The following GAB2 variants were observed in gnomAD, a reference collection of about 807,000 sequenced individuals.
GAB2 encodes GRB2 associated binding protein 2.
In GAB2, 26 loss-of-function variants were observed where a neutral mutation model predicts 65.5. The observed-to-expected ratio is 0.40, with a 90% CI of 0.29 to 0.55. The LOEUF is 0.55. Among genes scored for constraint, GAB2 ranks in the 20% least tolerant of loss-of-function variants. The probability of loss-of-function intolerance (pLI) is 0.53; values close to 1 mark genes in which losing one functional copy is unlikely to be tolerated. For synonymous variants in GAB2, 321 were observed against 329.6 expected, an observed-to-expected ratio of 0.97 and a Z score of 0.28; for missense variants, 884 against 875.8, an observed-to-expected ratio of 1.01 and a Z score of -0.12.
In GAB2 at chr11:78,222,184, G is replaced by C; in HGVS notation, c.1579C>G (p.Pro527Ala). The stretch of plus-strand genomic sequence containing the variant: ...ACGGTGTTGTTCCTCAGGTCAAGTG[G>C]TGTTGGCTTTGCTGGAGCAGGAAAA... ...LKPDRKAKPT[P>A]LDLRNNTVID... The change falls in exon 7 of 10, where the codon CCA becomes GCA. Residue 527 changes from proline to alanine, a missense_variant. Pro to Ala is a conservative substitution (Grantham distance 27, BLOSUM62 -1). Coordinates refer to ENST00000361507, the MANE Select transcript of GAB2 (RefSeq NM_080491.3). 6.2e-7 allele frequency: 1 copy of C among 1,613,148 alleles called. No individual in the cohort carries two copies. Among genetic ancestry groups the C allele is most frequent in the Non-Finnish European group, 8.5e-7 (1 of 1,179,076 alleles).
chr11:78,235,282 A>G (rs1162308033), intron 3 of GAB2, among the ~76,000 whole-genome samples: 1 of 151,768 alleles, frequency 6.6e-6, no homozygotes, highest in East Asian at 2.0e-4. Flanking sequence ...TCTCCCGAGT[A>G]GCTGGGACTA....
chr11:78,288,563 A>T (rs910503508), intron 1 of GAB2, among the ~76,000 whole-genome samples: 1 of 152,256 alleles, frequency 6.6e-6, no homozygotes, highest in Non-Finnish European at 1.5e-5. Flanking sequence ...AGGCATATAA[A>T]ATAAAAATAC....
intron 1 of GAB2, among the ~76,000 whole-genome samples, chr11:78,380,349 T>C (rs955937946): frequency 6.6e-6 from 1 of 152,048 alleles, no homozygotes; most frequent in African/African-American, 2.4e-5. Flanking sequence ...GGACTACAGG[T>C]GCGTGCCACC....
rs1217047747 is a variant in GAB2, at chr11:78,250,205, T to C, written c.572A>G (p.Glu191Gly). The C allele has an allele frequency of 6.2e-7, 1 of 1,613,330 alleles. No individual in the cohort carries two copies. Among genetic ancestry groups the C allele is most frequent in the Admixed American group, 1.7e-5 (1 of 59,858 alleles). ...QPTLSTSAPQ[E>G]YLYLHQCISR... ...TATGCACTGGTGCAAGTAGAGATAC[T>C]CCTGAGGTGCGCTGGTGGACAAGGT... The change falls in exon 3 of 10, where the codon GAG becomes GGG. Residue 191 changes from glutamate to glycine, a missense_variant. Physicochemically the swap from Glu to Gly is moderately conservative, Grantham distance 98. Coordinates refer to ENST00000361507, the MANE Select transcript of GAB2 (RefSeq NM_080491.3).
intron 2 of GAB2, among the ~76,000 whole-genome samples, chr11:78,260,707 G>A (rs1474160387): frequency 2.0e-5 from 3 of 152,100 alleles, no homozygotes; most frequent in African/African-American, 7.2e-5. Flanking sequence ...TCTGACCTCA[G>A]GTGATCTGCC....
intron 1 of GAB2, among the ~76,000 whole-genome samples, chr11:78,394,059 C>G (rs890089698): frequency 1.3e-5 from 2 of 152,208 alleles, no homozygotes; most frequent in Non-Finnish European, 2.9e-5. Context: ...GAGGCCGTGG[C>G]AGGCAGATCA....
intron 1 of GAB2, among the ~76,000 whole-genome samples, chr11:78,379,977 T>C (rs764444650): frequency 6.6e-5 from 10 of 152,212 alleles, no homozygotes; most frequent in Non-Finnish European, 1.5e-4. Context: ...GGGCAGTTAT[T>C]ATGTAGGCAA....
chr11:78,296,368 C>G (rs1299206283), intron 1 of GAB2, among the ~76,000 whole-genome samples: 1 of 152,148 alleles, frequency 6.6e-6, no homozygotes, highest in Non-Finnish European at 1.5e-5. Flanking sequence ...TTAAAGACAC[C>G]TTATTTAATA....
chr11:78,304,398 T>A (rs886885843), intron 1 of GAB2, among the ~76,000 whole-genome samples: 1 of 152,200 alleles, frequency 6.6e-6, no homozygotes, highest in Non-Finnish European at 1.5e-5. Context: ...ATTACTAATC[T>A]CCTATTAACC....
chr11:78,228,023 C>G (rs1304530014), intron 3 of GAB2, among the ~76,000 whole-genome samples: 1 of 152,084 alleles, frequency 6.6e-6, no homozygotes, highest in Non-Finnish European at 1.5e-5. Context: ...GGCAATAAGG[C>G]AAGCAGTAAA....
Position 78,250,228 on chromosome 11 carries a change from G to C in GAB2, c.549C>G (p.Thr183=). ...EPPVSNHMQP[T]LSTSAPQEYL... is the part of the protein sequence containing the mutation. The stretch of plus-strand genomic sequence containing the variant: ...ACTCCTGAGGTGCGCTGGTGGACAA[G>C]GTGGGCTGCATGTGGTTTGACACAG... Residue 183 remains threonine, a synonymous_variant, in exon 3 of 10, where the codon ACC becomes ACG. Coordinates refer to ENST00000361507, the MANE Select transcript of GAB2 (RefSeq NM_080491.3). 1 of 1,613,496 alleles carries C rather than the reference G, an allele frequency of 6.2e-7. No homozygotes were observed. Among genetic ancestry groups the C allele is most frequent in the South Asian group, 1.1e-5 (1 of 90,980 alleles).
chr11:78,364,902 T>A (rs909673427), intron 1 of GAB2, among the ~76,000 whole-genome samples: 11 of 151,946 alleles, frequency 7.2e-5, no homozygotes, highest in Admixed American at 4.6e-4. Context: ...TTTTTAAAAA[T>A]ATATATATAT....
At chr11:78,359,150 A>G (rs913555240) in intron 1 of GAB2, among the ~76,000 whole-genome samples, 4 of 152,198 alleles carry the variant, frequency 2.6e-5, no homozygotes, top group Admixed American at 6.5e-5. Flanking sequence ...ACTGAAGTTC[A>G]ATAATTAAAT....
rs547903185 is a variant in GAB2 at position 78,377,181 on chromosome 11, A to G, written c.75+40465T>C. On this transcript the variant is annotated intron_variant, in intron 1 of 9. Coordinates refer to ENST00000361507, the MANE Select transcript of GAB2 (RefSeq NM_080491.3). ...CATTTTAAATTATCCAGTCTCAGGT[A>G]TTTATTTCTAGCACTGCAAGAACAG... is the stretch of plus-strand genomic sequence containing the variant. Among the ~76,000 whole-genome samples the G allele has an allele frequency of 3.9e-5, 6 of 152,302 alleles. No individual in the cohort carries two copies. In the South Asian group the frequency reaches 6.2e-4, roughly 16 times the overall value.
intron 3 of GAB2, among the ~76,000 whole-genome samples, chr11:78,246,091 G>A (rs556308372): frequency 6.6e-5 from 10 of 151,008 alleles, no homozygotes; most frequent in Admixed American, 4.6e-4. Flanking sequence ...CACCATGCCT[G>A]GCTAATTTTT....
chr11:78,285,406 C>A (rs1866452681), intron 1 of GAB2, among the ~76,000 whole-genome samples: 1 of 152,216 alleles, frequency 6.6e-6, no homozygotes, highest in Non-Finnish European at 1.5e-5. Context: ...ACAGAGTCAG[C>A]AAGGCTGTCT....
Position 78,264,047 on chromosome 11 carries a change from T to C in GAB2, c.377-13647A>G, listed in dbSNP as rs77631474. 3.4e-4 allele frequency among the ~76,000 whole-genome samples: 52 copies of C among 152,268 alleles called. No homozygotes were observed. In the East Asian group the frequency reaches 4.8e-3, roughly 14 times the overall value. On this transcript the variant is annotated intron_variant, in intron 2 of 9. Transcript: ENST00000361507. Reference sequence around the variant, plus strand: ...ACAAAATTCTCTAAAAAGTCCAACATTGTAACTGAAAAAGGTCTGAATTAT... The same window carrying C: ...ACAAAATTCTCTAAAAAGTCCAACACTGTAACTGAAAAAGGTCTGAATTAT...
intron 3 of GAB2, among the ~76,000 whole-genome samples, chr11:78,228,540 G>A (rs928700845): frequency 1.3e-5 from 2 of 152,196 alleles, no homozygotes; most frequent in African/African-American, 4.8e-5. Context: ...CAGCTCCTGA[G>A]GAGTTTGTTA....
chr11:78,236,157 T>C (rs1268388374), intron 3 of GAB2, among the ~76,000 whole-genome samples: 2 of 152,234 alleles, frequency 1.3e-5, no homozygotes, highest in Non-Finnish European at 2.9e-5. Flanking sequence ...AGGTGTTGCA[T>C]GTTTGTTGTT....
Sources: gnomAD v4.1 joint callset for allele counts (sites outside exome capture counted in the v4.1 genomes callset) on GRCh38, gnomAD v4.1.1 for gene constraint, MANE v1.5 for transcripts, NCBI Gene and HGNC (gene_info 2026-07-23, HGNC 2026-07-21) for gene names.